LATS1: variants seen among roughly 807,000 people sequenced by gnomAD.
LATS1 encodes the protein serine/threonine-protein kinase LATS1.
LATS1 carries 25 observed loss-of-function variants against 106.6 expected under a neutral mutation model. The ratio of observed to expected loss-of-function variants is 0.23; its 90% CI spans 0.17 to 0.33. The LOEUF is 0.33. Among genes scored for constraint, LATS1 ranks in the 10% least tolerant of loss-of-function variants. LATS1 has a pLI of 1.00. For synonymous variants in LATS1, 465 were observed against 455.6 expected (o/e 1.02, Z -0.26); for missense variants, 1,040 against 1,382.6 (o/e 0.75, Z 3.93).
At position 149,659,546 on chromosome 6, in the gene LATS1, G is replaced by C. The variant is rs1383290411; in HGVS notation, c.*2183C>G. 1 of 230,544 alleles carries C rather than the reference G, an allele frequency of 4.3e-6. No homozygotes were observed. Among genetic ancestry groups the C allele is most frequent in the Non-Finnish European group, 8.6e-6 (1 of 116,374 alleles). 14.3% of individuals were successfully genotyped at this position (230,544 alleles called of 1,614,324 possible). A position where few individuals can be genotyped will look rare whatever the true frequency, so the allele number is the denominator to read the frequency against. On this transcript the variant is annotated 3_prime_UTR_variant, in exon 8 of 8. Coordinates refer to ENST00000543571, the MANE Select transcript of LATS1 (RefSeq NM_004690.4). Reference sequence around the variant, plus strand: ...GAATACAGATTTTGTGGGAAGGGAAGGGGGAGGAGACAGCACCTTAGTTTT... The same window carrying C: ...GAATACAGATTTTGTGGGAAGGGAACGGGGAGGAGACAGCACCTTAGTTTT...
At chr6:149,711,701 C>G (rs542751477) in intron 1 of LATS1, among the ~76,000 whole-genome samples, 2 of 152,264 alleles carry the variant, frequency 1.3e-5, no homozygotes, top group South Asian at 4.1e-4. Context: ...AGGTACAACA[C>G]ACACTTCACA....
intron 2 of LATS1, among the ~76,000 whole-genome samples, chr6:149,701,350 G>A (rs1436834834): frequency 6.6e-6 from 1 of 152,284 alleles, no homozygotes; most frequent in East Asian, 1.9e-4. Flanking sequence ...GAACACAACT[G>A]CTTACACAAA....
Position 149,701,997 on chromosome 6 carries a change from G to T in LATS1, c.130C>A (p.Pro44Thr). 6.2e-7 allele frequency: 1 copy of T among 1,614,116 alleles called. No homozygotes were observed. The highest frequency in any genetic ancestry group is 8.5e-7 in the Non-Finnish European group (1 of 1,180,010). ...TGCTCAGCCTTAGCAGCATCAGATG[G>T]TTTAGATAAATTCCTAAGGGATTCC... ...IRESLRNLSK[P>T]SDAAKAEHNM... The change falls in exon 2 of 8, where the codon CCA becomes ACA. Residue 44 changes from proline to threonine, a missense_variant. Coordinates refer to ENST00000543571, the MANE Select transcript of LATS1 (RefSeq NM_004690.4).
chr6:149,681,445 T>C lies in LATS1; in HGVS notation c.2011-988A>G, dbSNP rs970914874. On this transcript the variant is annotated intron_variant, in intron 4 of 7. Transcript: ENST00000543571. ...CAGACTTAGTTCAGAACTGTTTCTC[T>C]TAAAATCTTACTTGCCTACACAGTA... Among the ~76,000 whole-genome samples the C allele has an allele frequency of 2.0e-5, 3 of 152,214 alleles. No individual in the cohort carries two copies. The East Asian group carries it at 5.8e-4, about 29-fold the overall frequency.
chr6:149,709,964 G>T (rs929090226), intron 1 of LATS1, among the ~76,000 whole-genome samples: 1 of 151,718 alleles, frequency 6.6e-6, no homozygotes, highest in East Asian at 2.0e-4. Context: ...GTGAGCCACT[G>T]TGCCTGCCCA....
chr6:149,715,134 T>C (rs1784313852), intron 1 of LATS1, among the ~76,000 whole-genome samples: 1 of 152,132 alleles, frequency 6.6e-6, no homozygotes, highest in Non-Finnish European at 1.5e-5. Context: ...CGTGGTGCCA[T>C]CTCAGCTCAC....
chr6:149,666,339 C>T (rs879471521), intron 7 of LATS1, among the ~76,000 whole-genome samples: 4 of 151,554 alleles, frequency 2.6e-5, no homozygotes, highest in East Asian at 3.9e-4. Flanking sequence ...CATTATAGGC[C>T]GGGTGCGGTG....
chr6:149,658,942 T>C lies in LATS1; in HGVS notation c.*2787A>G, dbSNP rs1249074250. 3 of 152,300 alleles carry C rather than the reference T, an allele frequency of 2.0e-5. No homozygotes were observed. The highest frequency in any genetic ancestry group is 4.1e-4 in the South Asian group (2 of 4,832). 9.4% of individuals were successfully genotyped at this position (152,300 alleles called of 1,614,324 possible). A position where few individuals can be genotyped will look rare whatever the true frequency, so the allele number is the denominator to read the frequency against. On this transcript the variant is annotated 3_prime_UTR_variant, in exon 8 of 8. Transcript: ENST00000543571. ...GAAAATTATTTTAAAAGAAAACATA[T>C]AGAACCAATGTTTTCACTCCATTTC...
At position 149,669,850 on chromosome 6, in the gene LATS1, A is replaced by C. The variant is rs547718001; in HGVS notation, c.2883+6410T>G. On this transcript the variant is annotated intron_variant, in intron 7 of 7. Transcript: ENST00000543571. ...CAGTATGGTTCTACATTGAACTTGA[A>C]GTGGTAAAGTATAAATTCTAGGTAG... Among the ~76,000 whole-genome samples, 4 of 152,108 alleles carry C rather than the reference A, an allele frequency of 2.6e-5. No homozygotes were observed. The East Asian group carries it at 7.7e-4, about 29-fold the overall frequency.
chr6:149,686,564 C>G (rs1582882968), intron 3 of LATS1, among the ~76,000 whole-genome samples: 1 of 152,332 alleles, frequency 6.6e-6, no homozygotes. Context: ...CTCCTTGAAG[C>G]TGGTTTTCTT....
At chr6:149,664,079 T>G (rs12175504) in intron 7 of LATS1, among the ~76,000 whole-genome samples, 80,938 of 151,444 alleles carry the variant, frequency 0.53, 24,787 homozygotes, top group East Asian at 0.83. Context: ...TAAAGTGCTA[T>G]AATTACAGGC....
intron 7 of LATS1, among the ~76,000 whole-genome samples, chr6:149,665,160 G>C (rs758627276): frequency 3.3e-5 from 5 of 152,110 alleles, no homozygotes; most frequent in South Asian, 2.1e-4. Context: ...TCAGGAGTTC[G>C]AGACCAGCTT....
chr6:149,660,538 C>G lies in LATS1; in HGVS notation c.*1191G>C, dbSNP rs1000647682. Reference sequence around the variant, plus strand: ...AAATTTTACTATGGTCAAAATGGAGCCTTTTTCCCCTTCCTAAAAGATAAG... The same window carrying G: ...AAATTTTACTATGGTCAAAATGGAGGCTTTTTCCCCTTCCTAAAAGATAAG... On this transcript the variant is annotated 3_prime_UTR_variant, in exon 8 of 8. Coordinates refer to ENST00000543571, the MANE Select transcript of LATS1 (RefSeq NM_004690.4). The G allele has an allele frequency of 4.3e-6, 1 of 232,752 alleles. No homozygotes were observed. The highest frequency in any genetic ancestry group is 6.1e-5 in the East Asian group (1 of 16,498). 14.4% of individuals were successfully genotyped at this position (232,752 alleles called of 1,614,324 possible). A position where few individuals can be genotyped will look rare whatever the true frequency, so the allele number is the denominator to read the frequency against.
At position 149,683,963 on chromosome 6, in the gene LATS1, A is replaced by G; in HGVS notation, c.1126T>C (p.Tyr376His). 1 of 1,614,216 alleles carries G rather than the reference A, an allele frequency of 6.2e-7. No homozygotes were observed. The highest frequency in any genetic ancestry group is 8.5e-7 in the Non-Finnish European group (1 of 1,180,036). The change falls in exon 4 of 8, where the codon TAT (tyrosine) becomes CAT (histidine). Residue 376 changes from tyrosine (Y) to histidine (H), a missense_variant. By Grantham distance (83) the Tyr-to-His change is moderately conservative (BLOSUM62 2). Coordinates refer to ENST00000543571, the MANE Select transcript of LATS1 (RefSeq NM_004690.4). ...TGTCCATTAGCTGCTGTCAGAGGAT[A>G]TGGAGGTGGTGGCTGCCGATTCACA... ...GTVNRQPPPPYPLTAANGQSP... is the reference protein window; with the variant it reads ...GTVNRQPPPPHPLTAANGQSP...
chr6:149,711,159 G>A (rs1475645275), intron 1 of LATS1, among the ~76,000 whole-genome samples: 2 of 151,968 alleles, frequency 1.3e-5, no homozygotes, highest in African/African-American at 2.4e-5. Context: ...TGTGAACTTC[G>A]ACTGTGGTTA....
rs189629369 is a variant in LATS1, at chr6:149,670,876, G to A, written c.2883+5384C>T. On this transcript the variant is annotated intron_variant, in intron 7 of 7. Coordinates refer to ENST00000543571, the MANE Select transcript of LATS1 (RefSeq NM_004690.4). ...TGTAAATATTTTCTCCCAGCCTGTA[G>A]CTTGTCTTTTCTCTTGACTGTTATC... Among the ~76,000 whole-genome samples, 98 of 151,934 alleles carry A rather than the reference G, an allele frequency of 6.5e-4. 1 individual carries two copies. Among genetic ancestry groups the A allele is most frequent in the African/African-American group, 2.3e-3 (97 of 41,310 alleles).
chr6:149,691,339 T>C (rs1782738099), intron 3 of LATS1, among the ~76,000 whole-genome samples: 2 of 152,130 alleles, frequency 1.3e-5, no homozygotes, highest in African/African-American at 4.8e-5. Flanking sequence ...CAGAAGAAAC[T>C]AGACCTGCCA....
In LATS1 at chr6:149,661,880, C is replaced by T. The variant is rs1326200282; in HGVS notation, c.3242G>A (p.Arg1081Gln). 3 of 1,613,936 alleles carry T rather than the reference C, an allele frequency of 1.9e-6. No individual in the cohort carries two copies. Among genetic ancestry groups the T allele is most frequent in the African/African-American group, 2.7e-5 (2 of 74,922 alleles). The stretch of plus-strand genomic sequence containing the variant: ...GTAGCCATTGTCATCAAAAAACCTT[C>T]GGAAGGTAAATTCATAGAATGCATG... ...PEHAFYEFTF[R>Q]RFFDDNGYPY... Residue 1081 changes from arginine to glutamine, a missense_variant, in exon 8 of 8, where the codon CGA becomes CAA. Arg to Gln is a conservative substitution (Grantham distance 43, BLOSUM62 1). Around this residue, in one of 7 missense-constraint regions of LATS1, gnomAD observed 4 missense variants for 25.8 expected, o/e 0.16. Transcript: ENST00000543571.
intron 1 of LATS1, among the ~76,000 whole-genome samples, chr6:149,706,282 C>G (rs1783768930): frequency 7.1e-6 from 1 of 141,036 alleles, no homozygotes; most frequent in Admixed American, 7.2e-5. Context: ...GTGGGAGGAT[C>G]ACTTGAGCTC....
Sources: allele counts gnomAD v4.1 joint callset (sites outside exome capture counted in the v4.1 genomes callset), GRCh38; gene constraint gnomAD v4.1.1; regional missense constraint gnomAD v4.1.1; transcripts MANE v1.5; gene names NCBI Gene and HGNC (gene_info 2026-07-23, HGNC 2026-07-21).